Variants in C1QTNF3 observed in about 807,000 individuals in gnomAD.
C1QTNF3 encodes the protein complement C1q tumor necrosis factor-related protein 3.
In C1QTNF3, 26 loss-of-function variants were observed where a neutral mutation model predicts 32.6. That is an observed-to-expected ratio of 0.80 (90% confidence interval 0.58 to 1.11). C1QTNF3 has a LOEUF of 1.11. Among genes scored for constraint, C1QTNF3 ranks in the 50% least tolerant of loss-of-function variants. The probability of loss-of-function intolerance (pLI) is 0.00; values close to 1 mark genes in which losing one functional copy is unlikely to be tolerated. For missense variants in C1QTNF3, 362 were observed against 398.2 expected (o/e 0.91, Z 0.77); for synonymous variants, 155 against 146.0 (o/e 1.06, Z -0.44).
the C1QTNF3 span, among the ~76,000 whole-genome samples, chr5:34,177,733 C>G: frequency 6.6e-6 from 1 of 151,784 alleles, no homozygotes; most frequent in South Asian, 2.1e-4. Flanking sequence ...GTGATCCACC[C>G]ACCTCAGCCT....
At chr5:34,133,940 T>C in the C1QTNF3 span, among the ~76,000 whole-genome samples, 1 of 152,224 alleles carries the variant, frequency 6.6e-6, no homozygotes, top group Non-Finnish European at 1.5e-5. Context: ...TACATATTTT[T>C]CTTTAGCCCA....
At chr5:34,115,439 T>G in the C1QTNF3 span, among the ~76,000 whole-genome samples, 1 of 152,104 alleles carries the variant, frequency 6.6e-6, no homozygotes, top group Admixed American at 6.5e-5. Context: ...CTGGAAAAAC[T>G]TCAGCTGGTG....
upstream of C1QTNF3, chr5:34,043,235 G>C: frequency 1.7e-6 from 2 of 1,195,754 alleles, no homozygotes; most frequent in East Asian, 2.4e-5. Context: ...CGGCGGAGTG[G>C]TTTTATACTT....
intron 4 of C1QTNF3, 121 bp from the exon 5 acceptor site, chr5:34,024,129 G>T (rs921207881): frequency 1.8e-5 from 13 of 723,290 alleles, no homozygotes; most frequent in Non-Finnish European, 2.6e-5. Context: ...TTGTAGTATG[G>T]TGTCTCTCCT....
the C1QTNF3 span, among the ~76,000 whole-genome samples, chr5:34,146,601 G>C: frequency 6.6e-6 from 1 of 152,156 alleles, no homozygotes; most frequent in Non-Finnish European, 1.5e-5. Context: ...TGCTGGGATA[G>C]TTGGCTAGTC....
At chr5:34,033,142 TG>T in intron 3 of C1QTNF3, 161 bp downstream of exon 3, 1 of 733,198 alleles carries the variant, frequency 1.4e-6, no homozygotes, top group Non-Finnish European at 2.3e-6. Flanking sequence ...TTGGACAGTA[TG>T]GGCCTTATGC....
chr5:34,084,800 G>GTT, the C1QTNF3 span, among the ~76,000 whole-genome samples: 4 of 25,358 alleles, frequency 1.6e-4, no homozygotes, highest in East Asian at 5.8e-4. Flanking sequence ...TTTTTTTTTT[G>GTT]TTTTTTTTGT....
the C1QTNF3 span, among the ~76,000 whole-genome samples, chr5:34,210,546 T>C: frequency 6.6e-6 from 1 of 151,946 alleles, no homozygotes; most frequent in East Asian, 1.9e-4. Context: ...TAAATAATCT[T>C]TTATTGGAGT....
the C1QTNF3 span, among the ~76,000 whole-genome samples, chr5:34,141,298 T>G: frequency 1.2e-4 from 18 of 152,218 alleles, no homozygotes; most frequent in Non-Finnish European, 2.1e-4. Context: ...TTTTGTATTT[T>G]TAATAAAGAT....
the C1QTNF3 span, among the ~76,000 whole-genome samples, chr5:34,153,867 A>AAC: frequency 6.7e-6 from 1 of 149,682 alleles, no homozygotes. Context: ...AAAAAAAAAA[A>AAC]AAAAAAAACA....
At chr5:34,142,534 T>C in the C1QTNF3 span, among the ~76,000 whole-genome samples, 5 of 151,728 alleles carry the variant, frequency 3.3e-5, no homozygotes, top group Non-Finnish European at 4.4e-5. Flanking sequence ...GGGTCACTTC[T>C]CTCCCTCTCA....
the C1QTNF3 span, among the ~76,000 whole-genome samples, chr5:34,113,597 A>T: frequency 6.6e-6 from 1 of 152,176 alleles, no homozygotes; most frequent in African/African-American, 2.4e-5. Context: ...TTATTAATAC[A>T]TTGAAAAAAA....
the C1QTNF3 span, among the ~76,000 whole-genome samples, chr5:34,160,806 CAG>C: frequency 6.6e-6 from 1 of 150,428 alleles, no homozygotes; most frequent in African/African-American, 2.5e-5. Context: ...TGACCGCTGA[CAG>C]AGAGACTAAG....
the C1QTNF3 span, among the ~76,000 whole-genome samples, chr5:34,068,520 T>C: frequency 1.3e-5 from 2 of 151,954 alleles, no homozygotes; most frequent in African/African-American, 4.8e-5. Flanking sequence ...CAAATATATA[T>C]ACGTATATAG....
rs1215457721 is a variant in C1QTNF3, at chr5:34,020,235, A to G, written c.*348T>C. The G allele has an allele frequency of 1.1e-5, 2 of 188,148 alleles. No individual in the cohort carries two copies. Among genetic ancestry groups the G allele is most frequent in the Non-Finnish European group, 2.2e-5 (2 of 89,524 alleles). 11.7% of individuals were successfully genotyped at this position (188,148 alleles called of 1,614,324 possible). On this transcript the variant is annotated 3_prime_UTR_variant, in exon 6 of 6. Coordinates refer to ENST00000382065, the MANE Select transcript of C1QTNF3 (RefSeq NM_181435.6). ...ACTTCAGGGGTTCCTGAAAACTGGT[A>G]TTAAATTAAAAGCAGAGTAGTCAAA... is the stretch of plus-strand genomic sequence containing the variant.
intron 1 of C1QTNF3, among the ~76,000 whole-genome samples, chr5:34,036,081 C>T (rs907775764): frequency 6.6e-6 from 1 of 152,204 alleles, no homozygotes; most frequent in African/African-American, 2.4e-5. Context: ...GAAGAAACTC[C>T]TTCAGAAGTG....
At chr5:34,147,586 T>A in the C1QTNF3 span, among the ~76,000 whole-genome samples, 1 of 151,866 alleles carries the variant, frequency 6.6e-6, no homozygotes, top group African/African-American at 2.4e-5. Flanking sequence ...ATATGGCATG[T>A]CCTCACTTAT....
At chr5:34,236,635 G>A in the C1QTNF3 span, among the ~76,000 whole-genome samples, 1 of 141,492 alleles carries the variant, frequency 7.1e-6, no homozygotes, top group Non-Finnish European at 1.5e-5. Context: ...GCGCAGTGGT[G>A]GGATCTCGGT....
At chr5:34,181,451 G>A in the C1QTNF3 span, among the ~76,000 whole-genome samples, 1 of 152,310 alleles carries the variant, frequency 6.6e-6, no homozygotes, top group Non-Finnish European at 1.5e-5. Flanking sequence ...ATTCCCCCGA[G>A]CTCTGAATTG....
Sources: allele counts gnomAD v4.1 joint callset (sites outside exome capture counted in the v4.1 genomes callset), GRCh38; gene constraint gnomAD v4.1.1; transcripts MANE v1.5; gene names NCBI Gene and HGNC (gene_info 2026-07-23, HGNC 2026-07-21).